C6: variants seen among roughly 807,000 people sequenced by gnomAD.
C6 encodes complement C6.
In C6, 101 loss-of-function variants were observed where a neutral mutation model predicts 112.9. That is an observed-to-expected ratio of 0.89 (90% CI 0.76 to 1.06). The LOEUF is 1.06. C6 is among the 50% of genes least tolerant of loss of function. The pLI is 0.00. For missense variants in C6, 1,202 were observed against 1,104.6 expected (o/e 1.09, Z -1.25); for synonymous variants, 431 against 384.1 (o/e 1.12, Z -1.43).
intron 7 of C6, among the ~76,000 whole-genome samples, chr5:41,177,833 G>A (rs898987393): frequency 2.6e-5 from 4 of 152,080 alleles, no homozygotes; most frequent in African/African-American, 4.8e-5. Context: ...GACAAAGTTC[G>A]TGCCTTTGTG....
At chr5:41,166,102 GAGAA>G (rs1214089252) in intron 9 of C6, among the ~76,000 whole-genome samples, 2 of 152,094 alleles carry the variant, frequency 1.3e-5, no homozygotes, top group Non-Finnish European at 2.9e-5. Context: ...TTTAAAAGCT[GAGAA>G]TTTCTCTTAA....
intron 1 of C6, among the ~76,000 whole-genome samples, chr5:41,211,994 C>T (rs1751970720): frequency 1.3e-5 from 2 of 152,122 alleles, no homozygotes; most frequent in African/African-American, 4.8e-5. Flanking sequence ...TCTGATCGCT[C>T]TTTAAGCTAT....
At chr5:41,198,471 G>A (rs1292846104) in intron 4 of C6, among the ~76,000 whole-genome samples, 2 of 152,164 alleles carry the variant, frequency 1.3e-5, no homozygotes, top group East Asian at 3.8e-4. Flanking sequence ...ATCATGAAAA[G>A]ATCTAGGGAT....
At position 41,142,577 on chromosome 5, in the gene C6, A is replaced by T; in HGVS notation, c.*248T>A. On this transcript the variant is annotated 3_prime_UTR_variant, in exon 18 of 18. Coordinates refer to ENST00000337836, the MANE Select transcript of C6 (RefSeq NM_000065.5). ...TATTTTTGTACAATGTGAACAGGAG[A>T]ATTTACGAGACTGCTGTGGAAGTTG... 5.6e-6 allele frequency: 3 copies of T among 539,640 alleles called. No individual in the cohort carries two copies. The highest frequency in any genetic ancestry group is 1.0e-5 in the Non-Finnish European group (3 of 298,424). The allele number at this position is 539,640 out of a possible 1,614,324, so 33.4% of individuals were successfully genotyped here.
chr5:41,175,401 A>AT lies in C6; in HGVS notation c.1168+1073dup, dbSNP rs1748756713. ...TGCATGCATGTATATATGGATATGCATGGGTATTTATTTGGAATTTCCTAT... is the reference window on the plus strand; with the variant it reads ...TGCATGCATGTATATATGGATATGCATTGGGTATTTATTTGGAATTTCCTAT... On this transcript the variant is annotated intron_variant, in intron 8 of 17. Transcript: ENST00000337836. 8.5e-5 allele frequency among the ~76,000 whole-genome samples: 13 copies of AT among 152,126 alleles called. No homozygotes were observed. The South Asian group carries it at 2.5e-3, about 29-fold the overall frequency.
At chr5:41,167,788 T>C (rs1748102088) in intron 9 of C6, among the ~76,000 whole-genome samples, 1 of 152,076 alleles carries the variant, frequency 6.6e-6, no homozygotes. Flanking sequence ...ACATCAAATT[T>C]ATGGTGAAGC....
intron 9 of C6, among the ~76,000 whole-genome samples, chr5:41,166,685 A>G (rs1267611638): frequency 6.6e-6 from 1 of 152,138 alleles, no homozygotes; most frequent in East Asian, 1.9e-4. Context: ...GATGAGTGCT[A>G]TGATGTTGTG....
chr5:41,218,981 C>A (rs1431872932), intron 1 of C6, among the ~76,000 whole-genome samples: 1 of 152,098 alleles, frequency 6.6e-6, no homozygotes, highest in African/African-American at 2.4e-5. Flanking sequence ...TTGTTACTTG[C>A]AAGGAAGTTA....
At chr5:41,221,319 C>T (rs180732072) in intron 1 of C6, among the ~76,000 whole-genome samples, 4 of 152,106 alleles carry the variant, frequency 2.6e-5, no homozygotes, top group Admixed American at 2.0e-4. Context: ...ATGATATTTC[C>T]CTCCAAAAGG....
At chr5:41,206,587 T>C (rs1309975867) in intron 1 of C6, among the ~76,000 whole-genome samples, 1 of 152,138 alleles carries the variant, frequency 6.6e-6, no homozygotes, top group Non-Finnish European at 1.5e-5. Context: ...ATGCACAAGC[T>C]TCAGTAGCCA....
intron 8 of C6, among the ~76,000 whole-genome samples, chr5:41,173,489 C>A (rs1190950613): frequency 6.6e-6 from 1 of 152,172 alleles, no homozygotes; most frequent in Non-Finnish European, 1.5e-5. Flanking sequence ...ACCTGACTCA[C>A]TGCTGGAAAC....
At position 41,172,220 on chromosome 5, in the gene C6, G is replaced by T. The variant is rs1748479387; in HGVS notation, c.1291+5C>A. 1.9e-6 allele frequency: 3 copies of T among 1,613,594 alleles called. No individual in the cohort carries two copies. Among genetic ancestry groups the T allele is most frequent in the African/African-American group, 1.3e-5 (1 of 74,896 alleles). ...GGATAAGCTGCTAAGAGAGAGTACT[G>T]TTACCTTCATGTTTCTCTGACAGCT... On this transcript the variant is annotated splice_donor_5th_base_variant and intron_variant, in intron 9 of 17. Transcript: ENST00000337836.
intron 9 of C6, among the ~76,000 whole-genome samples, chr5:41,168,418 A>C (rs1748153855): frequency 6.6e-6 from 1 of 152,158 alleles, no homozygotes; most frequent in Admixed American, 6.6e-5. Flanking sequence ...ATAACATATT[A>C]TGAGAGTGTT....
chr5:41,155,080 C>T lies in C6; in HGVS notation c.1993G>A (p.Gly665Arg), dbSNP rs1263203532. Residue 665 changes from glycine to arginine, a missense_variant, in exon 14 of 18, where the codon GGA becomes AGA. By Grantham distance (125) the Gly-to-Arg change is moderately radical. Transcript: ENST00000337836. ...IRNEKQLYLV[G>R]EDVEISCLTG... ...AGGCATGAAATTTCAACATCTTCTCCAACCAAGTATAGTTGCTTTTCATTC... is the reference window on the plus strand; with the variant it reads ...AGGCATGAAATTTCAACATCTTCTCTAACCAAGTATAGTTGCTTTTCATTC... 2 of 1,613,450 alleles carry T rather than the reference C, an allele frequency of 1.2e-6. No individual in the cohort carries two copies. Among genetic ancestry groups the T allele is most frequent in the East Asian group, 2.2e-5 (1 of 44,866 alleles).
intron 1 of C6, among the ~76,000 whole-genome samples, chr5:41,219,653 G>A (rs1739041001): frequency 6.6e-6 from 1 of 152,086 alleles, no homozygotes; most frequent in Admixed American, 6.6e-5. Flanking sequence ...CCAGGTCAGA[G>A]GTTATTGAAA....
At chr5:41,205,781 C>T (rs753763915) in intron 1 of C6, among the ~76,000 whole-genome samples, 20 of 152,194 alleles carry the variant, frequency 1.3e-4, no homozygotes, top group Admixed American at 4.6e-4. Flanking sequence ...TCTGTAGACT[C>T]CACCTCTGGG....
upstream of C6, among the ~76,000 whole-genome samples, chr5:41,214,343 A>C (rs1005609711): frequency 6.6e-6 from 1 of 152,166 alleles, no homozygotes; most frequent in Admixed American, 6.6e-5. Flanking sequence ...TTTTTATCAC[A>C]TGGTGGGAAA....
At chr5:41,253,520 T>A (rs969244296) in intron 1 of C6, among the ~76,000 whole-genome samples, 1 of 152,330 alleles carries the variant, frequency 6.6e-6, no homozygotes, top group African/African-American at 2.4e-5. Context: ...CCTCCTTTTC[T>A]TGAGGCCTAA....
chr5:41,181,266 C>T, intron 7 of C6, 93 bp downstream of exon 7: 2 of 1,149,434 alleles, frequency 1.7e-6, no homozygotes, highest in South Asian at 2.5e-5. Flanking sequence ...CATACTGGTA[C>T]AATATCAAAA....
Sources: allele counts gnomAD v4.1 joint callset (sites outside exome capture counted in the v4.1 genomes callset), GRCh38; gene constraint gnomAD v4.1.1; transcripts MANE v1.5; gene names NCBI Gene and HGNC (gene_info 2026-07-23, HGNC 2026-07-21).